The following STAG1 variants were observed in gnomAD, a reference collection of about 807,000 sequenced individuals.
STAG1 encodes the protein STAG1 cohesin complex component, also known as cohesin subunit SA-1.
In STAG1, 26 loss-of-function variants were observed where a neutral mutation model predicts 170.9. The ratio of observed to expected loss-of-function variants is 0.15; its 90% CI spans 0.11 to 0.21. The LOEUF (loss-of-function observed/expected upper bound fraction) is 0.21. Among genes scored for constraint, STAG1 ranks in the 10% least tolerant of loss-of-function variants. The probability of loss-of-function intolerance (pLI) is 1.00; values close to 1 mark genes in which losing one functional copy is unlikely to be tolerated. For synonymous variants in STAG1, 514 were observed against 497.7 expected (o/e 1.03, Z -0.44); for missense variants, 964 against 1,509.5 (o/e 0.64, Z 5.99).
At chr3:136,538,875 C>T (rs1935765916) in intron 6 of STAG1, among the ~76,000 whole-genome samples, 1 of 152,150 alleles carries the variant, frequency 6.6e-6, no homozygotes, top group Admixed American at 6.5e-5. Context: ...GTGCTCACGC[C>T]TGTAATCCCA....
intron 7 of STAG1, among the ~76,000 whole-genome samples, chr3:136,513,958 G>T (rs1274511346): frequency 6.6e-6 from 1 of 151,964 alleles, no homozygotes; most frequent in Non-Finnish European, 1.5e-5. Flanking sequence ...AATTTGATCA[G>T]AACACTTGTT....
At chr3:136,471,132 AAGAG>A (rs2089616163) in intron 12 of STAG1, among the ~76,000 whole-genome samples, 1 of 151,974 alleles carries the variant, frequency 6.6e-6, no homozygotes, top group Non-Finnish European at 1.5e-5. Context: ...AAAAAAAAAA[AAGAG>A]GATCACCTCA....
intron 1 of STAG1, among the ~76,000 whole-genome samples, chr3:136,707,568 T>C (rs1164713816): frequency 5.7e-5 from 2 of 35,330 alleles, no homozygotes; most frequent in East Asian, 1.7e-3. Context: ...TAATTTATAA[T>C]GAAAAGAAGT....
intron 22 of STAG1, among the ~76,000 whole-genome samples, chr3:136,384,782 AAAGT>A (rs1158251158): frequency 9.2e-5 from 14 of 152,070 alleles, no homozygotes; most frequent in South Asian, 2.1e-4. Flanking sequence ...AAAAAAAAAA[AAAGT>A]AAGTAAGAAA....
chr3:136,748,570 A>G (rs1935067736), intron 1 of STAG1, among the ~76,000 whole-genome samples: 1 of 133,900 alleles, frequency 7.5e-6, no homozygotes, highest in Admixed American at 7.2e-5. Flanking sequence ...TAATTTTTGT[A>G]TTTTTAGTAT....
intron 1 of STAG1, among the ~76,000 whole-genome samples, chr3:136,660,618 A>T (rs1183804634): frequency 6.6e-6 from 1 of 152,192 alleles, no homozygotes; most frequent in South Asian, 2.1e-4. Context: ...GTGATAGAAA[A>T]TCCTGTTTCA....
At chr3:136,593,233 G>A (rs981536586) in intron 4 of STAG1, among the ~76,000 whole-genome samples, 3 of 152,282 alleles carry the variant, frequency 2.0e-5, no homozygotes, top group South Asian at 2.1e-4. Context: ...AGCCCAGTGC[G>A]TGGGACCAGG....
chr3:136,723,607 G>T (rs1933449820), intron 1 of STAG1, among the ~76,000 whole-genome samples: 1 of 150,478 alleles, frequency 6.6e-6, no homozygotes, highest in African/African-American at 2.5e-5. Context: ...GGAGGGAGGT[G>T]GGGGGATCAG....
At chr3:136,589,628 CAAAA>C (rs71626007) in intron 4 of STAG1, among the ~76,000 whole-genome samples, 3 of 46,178 alleles carry the variant, frequency 6.5e-5, no homozygotes, top group Non-Finnish European at 1.4e-4. Flanking sequence ...CAAAGGGAGC[CAAAA>C]AAAAAAAAAA....
chr3:136,565,953 T>C (rs1353485381), intron 5 of STAG1, among the ~76,000 whole-genome samples: 2 of 152,162 alleles, frequency 1.3e-5, no homozygotes, highest in East Asian at 1.9e-4. Flanking sequence ...TGGTTCCTTT[T>C]ATATAAGATG....
intron 1 of STAG1, among the ~76,000 whole-genome samples, chr3:136,694,467 T>A (rs994556316): frequency 2.0e-5 from 3 of 151,714 alleles, no homozygotes; most frequent in Non-Finnish European, 2.9e-5. Context: ...TAAAAAAAAA[T>A]TAGCTGGGTG....
At chr3:136,674,977 A>G (rs548598726) in intron 1 of STAG1, among the ~76,000 whole-genome samples, 2 of 152,338 alleles carry the variant, frequency 1.3e-5, no homozygotes, top group African/African-American at 4.8e-5. Flanking sequence ...ACTAAACTAA[A>G]AACAGTAAAT....
chr3:136,499,152 C>T, intron 9 of STAG1, among the ~76,000 whole-genome samples: 1 of 152,094 alleles, frequency 6.6e-6, no homozygotes, highest in East Asian at 1.9e-4. Flanking sequence ...GCAGTTCAAA[C>T]CCATGTTGTT....
intron 8 of STAG1, among the ~76,000 whole-genome samples, chr3:136,502,146 C>T (rs951123776): frequency 2.0e-5 from 3 of 151,508 alleles, no homozygotes; most frequent in African/African-American, 4.9e-5. Flanking sequence ...CCATTGCACT[C>T]GAGCCTGGGC....
intron 6 of STAG1, among the ~76,000 whole-genome samples, chr3:136,529,941 C>A (rs377489581): frequency 2.6e-5 from 4 of 152,154 alleles, no homozygotes; most frequent in Non-Finnish European, 5.9e-5. Context: ...AAGACAAAGA[C>A]CAGATGAGTA....
chr3:136,442,819 T>C (rs1183786210), intron 15 of STAG1, among the ~76,000 whole-genome samples: 1 of 152,144 alleles, frequency 6.6e-6, no homozygotes, highest in Non-Finnish European at 1.5e-5. Flanking sequence ...GCAGGAAGAT[T>C]ACTTGAGGCA....
Position 136,418,681 on chromosome 3 carries a change from G to A in STAG1, c.2109-709C>T, listed in dbSNP as rs553834816. Among the ~76,000 whole-genome samples, 9 of 150,530 alleles carry A rather than the reference G, an allele frequency of 6.0e-5. No homozygotes were observed. In the East Asian group the frequency reaches 7.8e-4, roughly 13 times the overall value. On this transcript the variant is annotated intron_variant, in intron 20 of 33. Transcript: ENST00000383202. ...TTAAAAGACAGGGTCTCGCTCCGTC[G>A]CCCAGGCTGAAGTGAAGTGGCAAGA...
In STAG1 at chr3:136,717,520, C is replaced by T. The variant is rs971419209; in HGVS notation, c.-84+34675G>A. Among the ~76,000 whole-genome samples the T allele has an allele frequency of 3.3e-5, 5 of 152,182 alleles. No homozygotes were observed. In the South Asian group the frequency reaches 8.3e-4, roughly 25 times the overall value. On this transcript the variant is annotated intron_variant, in intron 1 of 33. Coordinates refer to ENST00000383202, the MANE Select transcript of STAG1 (RefSeq NM_005862.3). ...TTCTACTAAAAATACAAAAATTAAC[C>T]GAGTGTGGTGACAGGCACCTGTAGT...
At chr3:136,436,316 C>G (rs1238887241) in intron 15 of STAG1, among the ~76,000 whole-genome samples, 1 of 151,826 alleles carries the variant, frequency 6.6e-6, no homozygotes, top group East Asian at 1.9e-4. Context: ...GAGTCTCACT[C>G]TGTCACCCAG....
Sources: allele counts gnomAD v4.1 joint callset (sites outside exome capture counted in the v4.1 genomes callset), GRCh38; gene constraint gnomAD v4.1.1; transcripts MANE v1.5; gene names NCBI Gene and HGNC (gene_info 2026-07-23, HGNC 2026-07-21).